FUBP1: variants seen among roughly 807,000 people sequenced by gnomAD.
FUBP1 encodes the protein far upstream element-binding protein 1.
A neutral mutation model predicts 94.9 loss-of-function variants in FUBP1; 16 were observed. That is an observed-to-expected ratio of 0.17 (90% CI 0.11 to 0.26). The LOEUF (loss-of-function observed/expected upper bound fraction) is 0.26. Ranked by LOEUF, FUBP1 falls within the 10% of genes least tolerant of loss-of-function variation. The pLI is 1.00. For missense variants in FUBP1, 583 were observed against 808.6 expected (o/e 0.72, Z 3.38); for synonymous variants, 279 against 254.9 (o/e 1.09, Z -0.90).
At chr1:77,977,065 C>T (rs1658739553) in intron 1 of FUBP1, among the ~76,000 whole-genome samples, 1 of 152,222 alleles carries the variant, frequency 6.6e-6, no homozygotes, top group Non-Finnish European at 1.5e-5. Context: ...TCTATAAACA[C>T]TTATAAAGCA....
rs1190222866 is a variant in FUBP1 at position 77,947,646 on chromosome 1, G to T, written c.*1120C>A. ...ACAAATATGCAAAGAGTAAAACAAT[G>T]GATTTCAACAAAATATCAGAACTTC... On this transcript the variant is annotated 3_prime_UTR_variant, in exon 20 of 20. Coordinates refer to ENST00000370768, the MANE Select transcript of FUBP1 (RefSeq NM_003902.5). 2.6e-6 allele frequency: 2 copies of T among 778,628 alleles called. No homozygotes were observed. The highest frequency in any genetic ancestry group is 4.0e-6 in the Non-Finnish European group (2 of 504,834). The allele number at this position is 778,628 out of a possible 1,614,324, so 48.2% of individuals were successfully genotyped here.
chr1:77,976,087 C>T (rs1331288503), intron 1 of FUBP1, among the ~76,000 whole-genome samples: 1 of 152,184 alleles, frequency 6.6e-6, no homozygotes, highest in African/African-American at 2.4e-5. Flanking sequence ...TATATCTCTT[C>T]CTTCCAAAAA....
chr1:77,950,632 T>C (rs1558019924), intron 18 of FUBP1, among the ~76,000 whole-genome samples: 1 of 152,222 alleles, frequency 6.6e-6, no homozygotes, highest in Admixed American at 6.5e-5. Context: ...AAATAAAAAA[T>C]TGAGAAGAGA....
At chr1:77,951,537 C>T (rs1020010778) in intron 18 of FUBP1, among the ~76,000 whole-genome samples, 1 of 152,180 alleles carries the variant, frequency 6.6e-6, no homozygotes, top group African/African-American at 2.4e-5. Context: ...CCTTATTCCT[C>T]TCTTTAGTTA....
At chr1:77,967,556 A>G (rs1321036821) in intron 4 of FUBP1, 71 bp downstream of exon 4, 4 of 1,088,170 alleles carry the variant, frequency 3.7e-6, no homozygotes, top group Non-Finnish European at 5.6e-6. Flanking sequence ...ATATACACCA[A>G]TGTGGTTGTG....
intron 1 of FUBP1, among the ~76,000 whole-genome samples, chr1:77,971,598 T>C (rs1657547250): frequency 6.6e-6 from 1 of 152,022 alleles, no homozygotes; most frequent in African/African-American, 2.4e-5. Context: ...TCAGTTCCCA[T>C]ATACCAACTG....
chr1:77,979,231 T>C (rs1431175277), upstream of FUBP1: 1 of 531,236 alleles, frequency 1.9e-6, no homozygotes, highest in African/African-American at 1.9e-5. Flanking sequence ...GTCGCGAGGA[T>C]TAAGTTTAAG....
intron 1 of FUBP1, among the ~76,000 whole-genome samples, chr1:77,972,171 A>T (rs1657683215): frequency 6.6e-6 from 1 of 152,152 alleles, no homozygotes; most frequent in Admixed American, 6.5e-5. Flanking sequence ...CTTAGGTCTT[A>T]AAGCACTTAG....
chr1:77,955,337 A>C lies in FUBP1; in HGVS notation c.1706-8T>G. The C allele has an allele frequency of 6.5e-7, 1 of 1,542,422 alleles. No homozygotes were observed. The highest frequency in any genetic ancestry group is 9.0e-7 in the Non-Finnish European group (1 of 1,115,980). ...CTGGATTCTGCTGATCTCCTTGTTC[A>C]AGCAAAACAAAACAAAAAACAGAAT... On this transcript the variant is annotated splice_polypyrimidine_tract_variant and splice_region_variant and intron_variant, in intron 17 of 19. Coordinates refer to ENST00000370768, the MANE Select transcript of FUBP1 (RefSeq NM_003902.5).
chr1:77,949,578 GA>G (rs905349694), intron 18 of FUBP1, among the ~76,000 whole-genome samples: 42 of 144,694 alleles, frequency 2.9e-4, no homozygotes, highest in South Asian at 1.1e-3. Flanking sequence ...TCTGCAATTA[GA>G]AAAAAAAAAA....
chr1:77,965,269 A>C, intron 7 of FUBP1, 38 bp from the exon 8 acceptor site: 1 of 1,399,112 alleles, frequency 7.1e-7, no homozygotes, highest in East Asian at 2.3e-5. Flanking sequence ...AAGCTGTAGC[A>C]TACCCAAGCT....
At chr1:77,957,399 C>T (rs907849793) in intron 16 of FUBP1, among the ~76,000 whole-genome samples, 2 of 152,170 alleles carry the variant, frequency 1.3e-5, no homozygotes, top group East Asian at 3.9e-4. Context: ...CCAGCCACAA[C>T]ACAGTGCTTG....
intron 1 of FUBP1, among the ~76,000 whole-genome samples, chr1:77,971,479 A>G (rs1050934955): frequency 6.6e-6 from 1 of 152,190 alleles, no homozygotes; most frequent in African/African-American, 2.4e-5. Flanking sequence ...ACTTAAGTCT[A>G]TGTATCAGTT....
In FUBP1 at chr1:77,948,042, AG is replaced by A. The variant is rs1209362951; in HGVS notation, c.*723del. 9.7e-7 allele frequency: 1 copy of A among 1,033,872 alleles called. No homozygotes were observed. Among genetic ancestry groups the A allele is most frequent in the African/African-American group, 1.7e-5 (1 of 59,122 alleles). 64.0% of individuals were successfully genotyped at this position (1,033,872 alleles called of 1,614,324 possible). A position where few individuals can be genotyped will look rare whatever the true frequency, so the allele number is the denominator to read the frequency against. ...AATCAAGTATTATCAAATTAAGAAC[AG>A]AAAGGTTAACTGTTATAGCAGCAGT... is the stretch of plus-strand genomic sequence containing the variant. On this transcript the variant is annotated 3_prime_UTR_variant, in exon 20 of 20. Coordinates refer to ENST00000370768, the MANE Select transcript of FUBP1 (RefSeq NM_003902.5).
intron 16 of FUBP1, 123 bp from the exon 17 acceptor site, chr1:77,956,823 TA>T (rs375222450): frequency 7.2e-6 from 4 of 553,854 alleles, no homozygotes; most frequent in Admixed American, 3.0e-5. Context: ...ACTAGAACAT[TA>T]AAAAAAGTAT....
chr1:77,971,701 A>AT lies in FUBP1; in HGVS notation c.121-1687dup, dbSNP rs1338399346. On this transcript the variant is annotated intron_variant, in intron 1 of 19. Transcript: ENST00000370768. ...TTAGGATCAAGTACTAGATTGCTTG[A>AT]TAAAAAAAAAAAAAGGTACACTCTC... Among the ~76,000 whole-genome samples, 9 of 148,884 alleles carry AT rather than the reference A, an allele frequency of 6.0e-5. 1 individual carries two copies. Among genetic ancestry groups the AT allele is most frequent in the East Asian group, 3.9e-4 (2 of 5,082 alleles).
chr1:77,948,107 C>T lies in FUBP1; in HGVS notation c.*659G>A. On this transcript the variant is annotated 3_prime_UTR_variant, in exon 20 of 20. Transcript: ENST00000370768. ...AGTGGTCATGTATAAAAGGAAATTT[C>T]ACTGTTAATGCAATGGAAGTATGCC... 1 of 1,035,976 alleles carries T rather than the reference C, an allele frequency of 9.7e-7. No individual in the cohort carries two copies. The highest frequency in any genetic ancestry group is 4.5e-4 in the Middle Eastern group (1 of 2,222). The allele number at this position is 1,035,976 out of a possible 1,614,324, so 64.2% of individuals were successfully genotyped here. A position where few individuals can be genotyped will look rare whatever the true frequency, so the allele number is the denominator to read the frequency against.
Position 77,945,938 on chromosome 1 carries a change from T to C in FUBP1, c.*2828A>G. Reference sequence around the variant, plus strand: ...AAGGTTATTTGCTATACAGTTAACATTTCACTGATGCACATGCCTTTTATC... The same window carrying C: ...AAGGTTATTTGCTATACAGTTAACACTTCACTGATGCACATGCCTTTTATC... On this transcript the variant is annotated 3_prime_UTR_variant, in exon 20 of 20. Transcript: ENST00000370768. 1 of 208,478 alleles carries C rather than the reference T, an allele frequency of 4.8e-6. No homozygotes were observed. Among genetic ancestry groups the C allele is most frequent in the Non-Finnish European group, 9.8e-6 (1 of 102,300 alleles). 12.9% of individuals were successfully genotyped at this position (208,478 alleles called of 1,614,324 possible).
chr1:77,952,939 A>C (rs1236328177), intron 18 of FUBP1, among the ~76,000 whole-genome samples: 1 of 151,850 alleles, frequency 6.6e-6, no homozygotes, highest in Non-Finnish European at 1.5e-5. Flanking sequence ...GGAGTTCGAG[A>C]CCAGCCTGGC....
Sources: allele counts gnomAD v4.1 joint callset (sites outside exome capture counted in the v4.1 genomes callset), GRCh38; gene constraint gnomAD v4.1.1; transcripts MANE v1.5; gene names NCBI Gene and HGNC (gene_info 2026-07-23, HGNC 2026-07-21).